Variants in UGGT2 observed in about 807,000 individuals in gnomAD.
UGGT2 encodes the protein UDP-glucose:glycoprotein glucosyltransferase 2.
A neutral mutation model predicts 192.1 loss-of-function variants in UGGT2; 180 were observed. The ratio of observed to expected loss-of-function variants is 0.94; its 90% CI spans 0.83 to 1.06. The LOEUF (loss-of-function observed/expected upper bound fraction) is 1.06, where lower values mean the gene tolerates loss of function less well. Ranked by LOEUF, UGGT2 falls within the 50% of genes least tolerant of loss-of-function variation. The probability of loss-of-function intolerance (pLI) is 0.00; values close to 1 mark genes in which losing one functional copy is unlikely to be tolerated. For synonymous variants in UGGT2, 580 were observed against 591.0 expected, an observed-to-expected ratio of 0.98 and a Z score of 0.27; for missense variants, 1,849 against 1,795.7, an observed-to-expected ratio of 1.03 and a Z score of -0.54.
At position 96,015,435 on chromosome 13, in the gene UGGT2, G is replaced by A. The variant is rs553399872; in HGVS notation, c.486-1954C>T. On this transcript the variant is annotated intron_variant, in intron 4 of 38. Transcript: ENST00000376747. ...TCTACCATTTGCTGAGTCTGTAATC[G>A]ACAGTACCTTCCTTCCTGTACCTAT... Among the ~76,000 whole-genome samples the A allele has an allele frequency of 2.0e-5, 3 of 152,132 alleles. No homozygotes were observed. In the East Asian group the frequency reaches 5.8e-4, roughly 29 times the overall value.
chr13:95,813,687 G>A (rs1884684034), intron 38 of UGGT2, among the ~76,000 whole-genome samples: 1 of 152,304 alleles, frequency 6.6e-6, no homozygotes. Context: ...AACCAAAAGT[G>A]AGCCAAGAGC....
chr13:95,931,321 C>A (rs1284281140), intron 17 of UGGT2, among the ~76,000 whole-genome samples: 1 of 152,220 alleles, frequency 6.6e-6, no homozygotes, highest in African/African-American at 2.4e-5. Flanking sequence ...AATCCCTCAG[C>A]TACACATAAA....
chr13:95,922,590 G>A (rs1357085755), intron 20 of UGGT2, among the ~76,000 whole-genome samples: 1 of 152,206 alleles, frequency 6.6e-6, no homozygotes, highest in Non-Finnish European at 1.5e-5. Context: ...GGGAAGCTGA[G>A]GCGAGTGGAT....
intron 17 of UGGT2, among the ~76,000 whole-genome samples, chr13:95,935,667 G>A (rs9584330): frequency 0.054 from 8,228 of 152,114 alleles, 360 homozygotes; most frequent in East Asian, 0.16. Context: ...GTAACTGAAC[G>A]TCTACTTCAC....
intron 20 of UGGT2, among the ~76,000 whole-genome samples, chr13:95,920,692 A>G (rs577830365): frequency 7.9e-5 from 12 of 152,342 alleles, no homozygotes; most frequent in African/African-American, 2.6e-4. Context: ...GTAAAAGAAC[A>G]GATGCTGGCA....
chr13:95,821,386 C>G (rs911891883), intron 38 of UGGT2, among the ~76,000 whole-genome samples: 1 of 152,084 alleles, frequency 6.6e-6, no homozygotes, highest in African/African-American at 2.4e-5. Context: ...TGTGCGTCTT[C>G]TTTTGACAAA....
At position 95,854,545 on chromosome 13, in the gene UGGT2, A is replaced by C. The variant is rs1031958963; in HGVS notation, c.4009-70T>G. On this transcript the variant is annotated intron_variant, in intron 34 of 38. Coordinates refer to ENST00000376747, the MANE Select transcript of UGGT2 (RefSeq NM_020121.4). ...ATAAGCCCTTTTTTATGGGAATCTC[A>C]AATCATTATTACTCTACTACAGAAA... 5 of 1,330,786 alleles carry C rather than the reference A, an allele frequency of 3.8e-6. No individual in the cohort carries two copies. The African/African-American group carries it at 5.9e-5, about 16-fold the overall frequency. 82.4% of individuals were successfully genotyped at this position (1,330,786 alleles called of 1,614,324 possible). A position where few individuals can be genotyped will look rare whatever the true frequency, so the allele number is the denominator to read the frequency against.
rs1016313442 is a variant in UGGT2 at position 95,853,544 on chromosome 13, T to G, written c.4283A>C (p.Gln1428Pro). Residue 1428 changes from glutamine (Q) to proline (P), a missense_variant and splice_region_variant, in exon 36 of 39, where the codon CAG becomes CCG. Gln to Pro is a moderately conservative substitution (Grantham distance 76, BLOSUM62 -1). Transcript: ENST00000376747. ...QDPNSLSNLD[Q>P]DLPNNMIYQV... ...TTATTCTGTTAACATTTTACTTACC[T>G]GATCTAGGTTTGAAAGACTGTTTGG... The G allele has an allele frequency of 6.2e-7, 1 of 1,612,600 alleles. No homozygotes were observed. The highest frequency in any genetic ancestry group is 8.5e-7 in the Non-Finnish European group (1 of 1,179,136).
intron 17 of UGGT2, 149 bp from the exon 18 acceptor site, chr13:95,927,485 T>TA: frequency 3.9e-6 from 3 of 762,728 alleles, no homozygotes; most frequent in East Asian, 2.9e-5. Context: ...TTTTTTTTTT[T>TA]TTTATTCTTC....
At position 95,859,617 on chromosome 13, in the gene UGGT2, T is replaced by C. The variant is rs754206300; in HGVS notation, c.3799A>G (p.Lys1267Glu). ...TKTPVKFWLLKNYLSPTFKEV... is the reference protein window; with the variant it reads ...TKTPVKFWLLENYLSPTFKEV... ...TTAAATGTCGGTGAGAGATAATTTTTTAGCAACCAGAATTTCACTGGTGTT... is the reference window on the plus strand; with the variant it reads ...TTAAATGTCGGTGAGAGATAATTTTCTAGCAACCAGAATTTCACTGGTGTT... Residue 1267 changes from lysine to glutamate, a missense_variant, in exon 33 of 39, where the codon AAA becomes GAA. By Grantham distance (56) the Lys-to-Glu change is moderately conservative. Transcript: ENST00000376747. 6.2e-7 allele frequency: 1 copy of C among 1,610,488 alleles called. No homozygotes were observed. The highest frequency in any genetic ancestry group is 8.5e-7 in the Non-Finnish European group (1 of 1,178,102).
intron 20 of UGGT2, among the ~76,000 whole-genome samples, chr13:95,924,387 A>C (rs1401336680): frequency 1.0e-5 from 1 of 98,512 alleles, no homozygotes; most frequent in Non-Finnish European, 2.3e-5. Flanking sequence ...AATAGATCCC[A>C]AACAGCTTTT....
chr13:96,025,429 A>C (rs749894101), intron 2 of UGGT2, among the ~76,000 whole-genome samples: 2 of 152,220 alleles, frequency 1.3e-5, no homozygotes, highest in African/African-American at 2.4e-5. Flanking sequence ...AAGGGAAATA[A>C]GTTCAAAAAT....
At chr13:95,813,448 T>C (rs1452728159) in intron 38 of UGGT2, among the ~76,000 whole-genome samples, 3 of 152,174 alleles carry the variant, frequency 2.0e-5, no homozygotes, top group African/African-American at 7.2e-5. Flanking sequence ...GGGTATCTGG[T>C]AGAAGAAATT....
At chr13:95,989,426 T>G in intron 8 of UGGT2, 1 of 174,258 alleles carries the variant, frequency 5.7e-6, no homozygotes, top group Non-Finnish European at 1.3e-5. Context: ...AGAAGAAAAA[T>G]TATAAATTGA....
intron 38 of UGGT2, among the ~76,000 whole-genome samples, chr13:95,828,797 G>A (rs148957267): frequency 0.017 from 2,572 of 152,168 alleles, 39 homozygotes; most frequent in Non-Finnish European, 0.027. Context: ...GAAAAAGAGG[G>A]AATCCTCCCT....
rs980277290 is a variant in UGGT2 at position 95,807,235 on chromosome 13, T to C, written c.4529-5423A>G. 4.6e-5 allele frequency among the ~76,000 whole-genome samples: 7 copies of C among 152,174 alleles called. No homozygotes were observed. In the East Asian group the frequency reaches 1.3e-3, roughly 29 times the overall value. ...CTATTCATTAAGTGCAAGTGGGTCA[T>C]CAGAAAGGTCTTCATCCTCATTGTC... is the stretch of plus-strand genomic sequence containing the variant. On this transcript the variant is annotated intron_variant, in intron 38 of 38. Coordinates refer to ENST00000376747, the MANE Select transcript of UGGT2 (RefSeq NM_020121.4).
At chr13:95,884,881 A>G (rs112112469) in intron 26 of UGGT2, among the ~76,000 whole-genome samples, 81 of 152,296 alleles carry the variant, frequency 5.3e-4, no homozygotes, top group African/African-American at 1.8e-3. Flanking sequence ...AAGTCTATGT[A>G]TATTATCTAC....
chr13:95,987,964 G>C (rs1291905846), intron 8 of UGGT2, among the ~76,000 whole-genome samples: 1 of 152,066 alleles, frequency 6.6e-6, no homozygotes, highest in Non-Finnish European at 1.5e-5. Flanking sequence ...TATGGGATCA[G>C]TAAGCAAGAA....
intron 4 of UGGT2, among the ~76,000 whole-genome samples, chr13:96,020,023 GTTA>G (rs905456795): frequency 3.3e-5 from 5 of 152,174 alleles, no homozygotes; most frequent in African/African-American, 1.2e-4. Context: ...AGTGAAATGG[GTTA>G]TTTAGTTCAC....
Sources: gnomAD v4.1 joint callset for allele counts (sites outside exome capture counted in the v4.1 genomes callset) on GRCh38, gnomAD v4.1.1 for gene constraint, MANE v1.5 for transcripts, NCBI Gene and HGNC (gene_info 2026-07-23, HGNC 2026-07-21) for gene names.